Variants in PLD5 observed in about 807,000 individuals in gnomAD.
PLD5 encodes inactive phospholipase D5.
A neutral mutation model predicts 61.1 loss-of-function variants in PLD5; 36 were observed. The observed-to-expected ratio is 0.59, with a 90% CI of 0.45 to 0.78. The LOEUF is 0.78. Among genes scored for constraint, PLD5 ranks in the 30% least tolerant of loss-of-function variants. The pLI, the probability that PLD5 is intolerant of heterozygous loss-of-function variation, is 0.00. For missense variants in PLD5, 515 were observed against 644.4 expected (o/e 0.80, Z 2.17); for synonymous variants, 243 against 242.8 (o/e 1.00, Z -0.01).
intron 5 of PLD5, among the ~76,000 whole-genome samples, chr1:242,207,779 TA>T (rs1366999230): frequency 1.7e-4 from 17 of 97,364 alleles, no homozygotes; most frequent in African/African-American, 9.5e-4. Flanking sequence ...TATATTTATA[TA>T]TATTTATATT....
At chr1:242,470,137 C>A (rs1009111724) in intron 1 of PLD5, among the ~76,000 whole-genome samples, 1 of 151,944 alleles carries the variant, frequency 6.6e-6, no homozygotes, top group South Asian at 2.1e-4. Context: ...GTCAGGAGAT[C>A]GAGACCATCC....
chr1:242,099,297 G>T (rs989336195), intron 9 of PLD5, among the ~76,000 whole-genome samples: 4 of 151,546 alleles, frequency 2.6e-5, no homozygotes, highest in Admixed American at 2.0e-4. Context: ...AAATTTTTTT[G>T]GTATTTTTTA....
At chr1:242,216,905 A>T (rs146246680) in intron 5 of PLD5, among the ~76,000 whole-genome samples, 269 of 152,328 alleles carry the variant, frequency 1.8e-3, no homozygotes, top group African/African-American at 5.7e-3. Flanking sequence ...AAGCCAATAC[A>T]CATCTACCAT....
intron 5 of PLD5, among the ~76,000 whole-genome samples, chr1:242,217,154 T>A (rs927284045): frequency 1.1e-4 from 16 of 152,240 alleles, no homozygotes; most frequent in African/African-American, 3.9e-4. Flanking sequence ...ATGAATGTTG[T>A]CTACATGTCT....
chr1:242,426,399 A>C (rs1216622212), intron 1 of PLD5, among the ~76,000 whole-genome samples: 3 of 152,150 alleles, frequency 2.0e-5, no homozygotes, highest in African/African-American at 7.2e-5. Context: ...AAGCAGCAAC[A>C]TCACCATTTC....
At chr1:242,164,202 A>G (rs112952834) in intron 5 of PLD5, among the ~76,000 whole-genome samples, 4 of 152,254 alleles carry the variant, frequency 2.6e-5, no homozygotes, top group Non-Finnish European at 4.4e-5. Flanking sequence ...GTTGCATGCA[A>G]TTATGGAAAG....
chr1:242,266,706 C>T (rs1007026987), intron 3 of PLD5, among the ~76,000 whole-genome samples: 1 of 152,244 alleles, frequency 6.6e-6, no homozygotes, highest in Non-Finnish European at 1.5e-5. Flanking sequence ...AAGGTCTTAT[C>T]TTGCTCTGGT....
chr1:242,415,232 C>G (rs921899400), intron 1 of PLD5, among the ~76,000 whole-genome samples: 7 of 152,162 alleles, frequency 4.6e-5, no homozygotes, highest in Non-Finnish European at 7.3e-5. Context: ...GCCTCTCACT[C>G]AGTAACCCCT....
chr1:242,104,701 G>A (rs549031793), intron 8 of PLD5, among the ~76,000 whole-genome samples: 1 of 152,066 alleles, frequency 6.6e-6, no homozygotes, highest in South Asian at 2.1e-4. Flanking sequence ...AAGTTTTTTT[G>A]TAGAGATGGG....
chr1:242,416,518 T>C (rs994255415), intron 1 of PLD5, among the ~76,000 whole-genome samples: 1 of 152,118 alleles, frequency 6.6e-6, no homozygotes, highest in Non-Finnish European at 1.5e-5. Context: ...CTATAATCAG[T>C]AGTTTTGGAG....
intron 5 of PLD5, among the ~76,000 whole-genome samples, chr1:242,137,837 T>G (rs1558261476): frequency 2.0e-5 from 3 of 151,780 alleles, no homozygotes; most frequent in East Asian, 1.9e-4. Context: ...CCACTGAATG[T>G]GGGGGAAAAA....
intron 1 of PLD5, among the ~76,000 whole-genome samples, chr1:242,407,791 A>C (rs1335302550): frequency 1.3e-5 from 2 of 151,830 alleles, no homozygotes; most frequent in Non-Finnish European, 2.9e-5. Context: ...GGTGGTCAGG[A>C]TGGTCTCAAA....
At chr1:242,222,077 G>C (rs1276313638) in intron 4 of PLD5, among the ~76,000 whole-genome samples, 3 of 151,928 alleles carry the variant, frequency 2.0e-5, no homozygotes, top group African/African-American at 7.3e-5. Context: ...TTCTCGGCTT[G>C]TAACTGCAGC....
chr1:242,510,929 T>C (rs1227413890), intron 1 of PLD5, among the ~76,000 whole-genome samples: 1 of 152,180 alleles, frequency 6.6e-6, no homozygotes, highest in African/African-American at 2.4e-5. Context: ...TAAATGACTA[T>C]GTATTTCTGT....
chr1:242,162,026 A>G (rs1046827725), intron 5 of PLD5, among the ~76,000 whole-genome samples: 1 of 152,166 alleles, frequency 6.6e-6, no homozygotes, highest in Non-Finnish European at 1.5e-5. Flanking sequence ...GTTATTGCCT[A>G]TTTGGTAGGC....
chr1:242,187,048 C>G (rs1262116059), intron 5 of PLD5, among the ~76,000 whole-genome samples: 1 of 152,192 alleles, frequency 6.6e-6, no homozygotes. Context: ...ATCTTACAGG[C>G]ATATCCACTA....
rs755406985 is a variant in PLD5, at chr1:242,521,558, G to A, written c.189+2530C>T. ...ATTTATTTCCTTAATACTTAGATTG[G>A]CTTTTAAAGCACCAGCAAAATAACT... On this transcript the variant is annotated intron_variant, in intron 1 of 9. Coordinates refer to ENST00000536534, the MANE Select transcript of PLD5 (RefSeq NM_001372062.1). Among the ~76,000 whole-genome samples, 137 of 112,050 alleles carry A rather than the reference G, an allele frequency of 1.2e-3. 1 individual carries two copies. Among genetic ancestry groups the A allele is most frequent in the Admixed American group, 4.3e-4 (5 of 11,724 alleles). 73.5% of individuals were successfully genotyped at this position (112,050 alleles called of 152,430 possible). A position where few individuals can be genotyped will look rare whatever the true frequency, so the allele number is the denominator to read the frequency against.
chr1:242,409,733 T>C (rs1478915378), intron 1 of PLD5, among the ~76,000 whole-genome samples: 3 of 152,164 alleles, frequency 2.0e-5, no homozygotes, highest in African/African-American at 7.2e-5. Flanking sequence ...AGGCATGTCA[T>C]TTATGTAGCC....
chr1:242,503,665 C>A (rs1668628456), intron 1 of PLD5, among the ~76,000 whole-genome samples: 1 of 152,116 alleles, frequency 6.6e-6, no homozygotes, highest in Non-Finnish European at 1.5e-5. Context: ...TTAGGAATAG[C>A]CGTATGGAAC....
Sources: allele counts gnomAD v4.1 joint callset (sites outside exome capture counted in the v4.1 genomes callset), GRCh38; gene constraint gnomAD v4.1.1; transcripts MANE v1.5; gene names NCBI Gene and HGNC (gene_info 2026-07-23, HGNC 2026-07-21).